Variants in GRIK1 observed in about 807,000 individuals in gnomAD.
GRIK1 encodes glutamate ionotropic receptor kainate type subunit 1, also known as glutamate receptor ionotropic, kainate 1.
GRIK1 carries 69 observed loss-of-function variants against 105.7 expected under a neutral mutation model. The ratio of observed to expected loss-of-function variants is 0.65; its 90% CI spans 0.54 to 0.80. The LOEUF is 0.80. GRIK1 is among the 30% of genes least tolerant of loss of function. The pLI is 0.00. For missense variants in GRIK1, 1,109 were observed against 1,167.3 expected (o/e 0.95, Z 0.73); for synonymous variants, 438 against 431.3 (o/e 1.02, Z -0.19).
intron 2 of GRIK1, among the ~76,000 whole-genome samples, chr21:29,690,882 T>C (rs561255274): frequency 1.4e-4 from 21 of 152,352 alleles, no homozygotes; most frequent in African/African-American, 4.6e-4. Flanking sequence ...AGAATCATTA[T>C]ATAAATACAG....
chr21:29,638,153 A>ATT (rs138627896), intron 7 of GRIK1, among the ~76,000 whole-genome samples: 7,194 of 150,290 alleles, frequency 0.048, 246 homozygotes, highest in Non-Finnish European at 0.072. Context: ...CATGGTAGAC[A>ATT]TTTTTTTTTT....
chr21:29,560,360 T>TTTC (rs2090391415), intron 15 of GRIK1, among the ~76,000 whole-genome samples: 1 of 46,924 alleles, frequency 2.1e-5, no homozygotes, highest in Non-Finnish European at 3.9e-5. Flanking sequence ...TCTTTCTTTT[T>TTTC]CTTTCTTCCT....
chr21:29,737,312 TCTAA>T, intron 1 of GRIK1, among the ~76,000 whole-genome samples: 1 of 152,280 alleles, frequency 6.6e-6, no homozygotes, highest in East Asian at 1.9e-4. Flanking sequence ...AAGTTGTAGC[TCTAA>T]CTGTTTAAAA....
At chr21:29,873,038 G>A (rs1049366747) in intron 1 of GRIK1, among the ~76,000 whole-genome samples, 4 of 152,174 alleles carry the variant, frequency 2.6e-5, no homozygotes, top group African/African-American at 9.6e-5. Context: ...AGTATGTTTA[G>A]GGACTTGTAA....
chr21:29,830,614 C>T (rs770639551), intron 1 of GRIK1, among the ~76,000 whole-genome samples: 1 of 152,054 alleles, frequency 6.6e-6, no homozygotes, highest in Non-Finnish European at 1.5e-5. Context: ...ATGTATTTAA[C>T]CTAGTATATC....
intron 1 of GRIK1, among the ~76,000 whole-genome samples, chr21:29,830,320 C>CACACAA: frequency 9.4e-6 from 1 of 106,524 alleles, no homozygotes; most frequent in East Asian, 4.7e-4. Flanking sequence ...CACACACACA[C>CACACAA]ACACACACAC....
intron 7 of GRIK1, among the ~76,000 whole-genome samples, chr21:29,638,802 C>A (rs989591120): frequency 6.6e-6 from 1 of 152,176 alleles, no homozygotes; most frequent in East Asian, 1.9e-4. Context: ...TTTAACAGAA[C>A]CTTTCATTTG....
chr21:29,618,395 T>C (rs145461189), intron 7 of GRIK1, among the ~76,000 whole-genome samples: 1 of 152,162 alleles, frequency 6.6e-6, no homozygotes, highest in African/African-American at 2.4e-5. Context: ...AAGGGAACAC[T>C]TCTACACTGC....
intron 14 of GRIK1, among the ~76,000 whole-genome samples, chr21:29,572,419 C>G (rs1185878389): frequency 1.3e-5 from 2 of 152,070 alleles, no homozygotes; most frequent in African/African-American, 4.8e-5. Flanking sequence ...TCTCTCCCTC[C>G]CTCTTTCCCT....
intron 5 of GRIK1, 105 bp from the exon 6 acceptor site, chr21:29,651,396 T>G: frequency 1.4e-6 from 1 of 723,544 alleles, no homozygotes. Context: ...ATGATACCTT[T>G]TATCTGTGGT....
At chr21:29,883,168 G>A (rs571104854) in intron 1 of GRIK1, among the ~76,000 whole-genome samples, 1 of 152,144 alleles carries the variant, frequency 6.6e-6, no homozygotes, top group East Asian at 1.9e-4. Context: ...CCATTTAGTG[G>A]TTTTCAGATA....
chr21:29,901,687 C>T (rs75540107), intron 1 of GRIK1, among the ~76,000 whole-genome samples: 3 of 152,056 alleles, frequency 2.0e-5, no homozygotes, highest in Admixed American at 6.6e-5. Flanking sequence ...CAGGACAAGA[C>T]GGATTCACAG....
intron 3 of GRIK1, among the ~76,000 whole-genome samples, chr21:29,680,919 G>T (rs1258841110): frequency 6.6e-6 from 1 of 152,192 alleles, no homozygotes; most frequent in Non-Finnish European, 1.5e-5. Context: ...TGGATCACGA[G>T]GTCAGGAGTT....
At chr21:29,761,349 GA>G (rs2065512999) in intron 1 of GRIK1, 1 of 152,200 alleles carries the variant, frequency 6.6e-6, no homozygotes, top group Non-Finnish European at 1.5e-5. Flanking sequence ...CAGCTTGACA[GA>G]AAGACCACAG....
chr21:29,819,458 C>T (rs1180572580), intron 1 of GRIK1, among the ~76,000 whole-genome samples: 1 of 151,730 alleles, frequency 6.6e-6, no homozygotes, highest in Admixed American at 6.6e-5. Flanking sequence ...AGCATGGTTT[C>T]TATGTTGTGT....
intron 1 of GRIK1, among the ~76,000 whole-genome samples, chr21:29,736,682 C>CTTTTTTT (rs748838440): frequency 7.1e-6 from 1 of 141,748 alleles, no homozygotes. Flanking sequence ...CTTTCCTTTT[C>CTTTTTTT]TTTTTTTTTT....
intron 4 of GRIK1, among the ~76,000 whole-genome samples, chr21:29,665,851 A>G (rs985832863): frequency 2.6e-5 from 4 of 152,242 alleles, no homozygotes; most frequent in African/African-American, 9.6e-5. Flanking sequence ...TGTGACCTGA[A>G]GCCTCATTTT....
intron 1 of GRIK1, among the ~76,000 whole-genome samples, chr21:29,863,853 T>C (rs2146102130): frequency 6.6e-6 from 1 of 152,272 alleles, no homozygotes; most frequent in Non-Finnish European, 1.5e-5. Flanking sequence ...ATTCTTCCCC[T>C]TCAGTCACCT....
In GRIK1 at chr21:29,816,747, C is replaced by T. The variant is rs147221225; in HGVS notation, c.118+122636G>A. 3.7e-3 allele frequency among the ~76,000 whole-genome samples: 568 copies of T among 151,956 alleles called. 1 individual carries two copies. The highest frequency in any genetic ancestry group is 0.012 in the African/African-American group (514 of 41,450). On this transcript the variant is annotated intron_variant, in intron 1 of 17. Transcript: ENST00000327783. ...TATGTGGGAGCTAAGAAAGTCAATCCCATAGACAAAGAGAGTAGAATGAGA... is the reference window on the plus strand; with the variant it reads ...TATGTGGGAGCTAAGAAAGTCAATCTCATAGACAAAGAGAGTAGAATGAGA...
Sources: gnomAD v4.1 joint callset for allele counts (sites outside exome capture counted in the v4.1 genomes callset) on GRCh38, gnomAD v4.1.1 for gene constraint, MANE v1.5 for transcripts, NCBI Gene and HGNC (gene_info 2026-07-23, HGNC 2026-07-21) for gene names.